The following FANCC variants were observed in gnomAD, a reference collection of about 807,000 sequenced individuals.
The protein encoded by FANCC is Fanconi anemia group C protein.
FANCC carries 55 observed loss-of-function variants against 71.3 expected under a neutral mutation model. The observed-to-expected ratio is 0.77, with a 90% CI of 0.62 to 0.97. The LOEUF (loss-of-function observed/expected upper bound fraction) is 0.97, where lower values mean the gene tolerates loss of function less well. FANCC is among the 50% of genes least tolerant of loss of function. FANCC has a pLI of 0.00. For missense variants in FANCC, 678 were observed against 670.9 expected, an observed-to-expected ratio of 1.01 and a Z score of -0.12; for synonymous variants, 275 against 244.9, an observed-to-expected ratio of 1.12 and a Z score of -1.15.
At chr9:95,276,638 G>A (rs539447635) in intron 1 of FANCC, among the ~76,000 whole-genome samples, 21 of 152,292 alleles carry the variant, frequency 1.4e-4, no homozygotes, top group South Asian at 1.2e-3. Flanking sequence ...TCTCAAGAAC[G>A]ACAACAACAA....
chr9:95,159,312 T>C (rs975575854), intron 6 of FANCC, among the ~76,000 whole-genome samples: 1 of 152,222 alleles, frequency 6.6e-6, no homozygotes, highest in Non-Finnish European at 1.5e-5. Context: ...GAGAGTTTGC[T>C]CAGAATGATG....
At chr9:95,181,024 A>T (rs1826320942) in intron 4 of FANCC, among the ~76,000 whole-genome samples, 1 of 152,072 alleles carries the variant, frequency 6.6e-6, no homozygotes, top group African/African-American at 2.4e-5. Flanking sequence ...TGTCCTGGAA[A>T]AATGAAAATG....
intron 4 of FANCC, among the ~76,000 whole-genome samples, chr9:95,186,035 G>T (rs1460201490): frequency 1.3e-5 from 2 of 152,096 alleles, no homozygotes; most frequent in Admixed American, 6.6e-5. Flanking sequence ...TTTTTTAGGA[G>T]ATGGGCTCTC....
At chr9:95,281,903 C>T (rs903011743) in intron 1 of FANCC, among the ~76,000 whole-genome samples, 1 of 151,108 alleles carries the variant, frequency 6.6e-6, no homozygotes, top group Non-Finnish European at 1.5e-5. Flanking sequence ...AAGCAAAAGC[C>T]TATAATAGAT....
intron 10 of FANCC, among the ~76,000 whole-genome samples, chr9:95,122,584 C>T (rs553185247): frequency 6.6e-6 from 1 of 152,302 alleles, no homozygotes; most frequent in Non-Finnish European, 1.5e-5. Flanking sequence ...TGTGGTCCCA[C>T]GTCCTTAGAT....
chr9:95,130,872 C>G (rs1405877570), intron 8 of FANCC, among the ~76,000 whole-genome samples: 1 of 152,156 alleles, frequency 6.6e-6, no homozygotes, highest in Non-Finnish European at 1.5e-5. Context: ...TTATACAAAA[C>G]CTTCACATCT....
intron 13 of FANCC, chr9:95,107,603 G>A: frequency 2.3e-6 from 1 of 431,586 alleles, no homozygotes; most frequent in South Asian, 2.4e-5. Context: ...AAGGCTCCTT[G>A]AAGACTCGCC....
At chr9:95,308,506 G>T (rs938730986) in intron 1 of FANCC, among the ~76,000 whole-genome samples, 1 of 151,762 alleles carries the variant, frequency 6.6e-6, no homozygotes, top group Admixed American at 6.6e-5. Flanking sequence ...GGCTGGAGTC[G>T]AACTCCTGAC....
intron 2 of FANCC, 69 bp from the exon 3 acceptor site, chr9:95,247,585 T>C (rs560503862): frequency 7.1e-6 from 7 of 983,990 alleles, no homozygotes; most frequent in African/African-American, 6.3e-5. Flanking sequence ...ACTGACATTA[T>C]AGATTGAGGG....
At chr9:95,193,933 A>G (rs1344795139) in intron 4 of FANCC, among the ~76,000 whole-genome samples, 1 of 152,200 alleles carries the variant, frequency 6.6e-6, no homozygotes, top group Non-Finnish European at 1.5e-5. Context: ...CCAGGAGGAC[A>G]GTGTGTTCCA....
rs201707262 is a variant in FANCC at position 95,163,860 on chromosome 9, TAAAC to T, written c.521+7215_521+7218del. Among the ~76,000 whole-genome samples, 538 of 152,152 alleles carry T rather than the reference TAAAC, an allele frequency of 3.5e-3. 4 individuals carry two copies. The highest frequency in any genetic ancestry group is 0.011 in the African/African-American group (475 of 41,536). On this transcript the variant is annotated intron_variant, in intron 6 of 14. Transcript: ENST00000289081. The stretch of plus-strand genomic sequence containing the variant: ...GCGAAACTCCATCTCAAAACAAAAA[TAAAC>T]AAACAAACAAACCCCAAAAAAACCA...
intron 4 of FANCC, among the ~76,000 whole-genome samples, chr9:95,199,067 T>A (rs1827641163): frequency 6.6e-6 from 1 of 152,192 alleles, no homozygotes; most frequent in Non-Finnish European, 1.5e-5. Flanking sequence ...ATATGAATTT[T>A]TTTTGAAAGA....
Position 95,099,944 on chromosome 9 carries a change from CAG to C in FANCC, c.*1761_*1762del, listed in dbSNP as rs1275980264. ...CAACCCTGTACACAGGACCACAGGA[CAG>C]GGTGGAGGACTGTCCCAGGAGTCCC... is the stretch of plus-strand genomic sequence containing the variant. On this transcript the variant is annotated 3_prime_UTR_variant, in exon 15 of 15. Transcript: ENST00000289081. 2 of 232,552 alleles carry C rather than the reference CAG, an allele frequency of 8.6e-6. No homozygotes were observed. The highest frequency in any genetic ancestry group is 4.4e-5 in the African/African-American group (2 of 45,302). The allele number at this position is 232,552 out of a possible 1,614,324, so 14.4% of individuals were successfully genotyped here.
chr9:95,245,162 G>A (rs1471522365), intron 3 of FANCC, among the ~76,000 whole-genome samples: 2 of 152,124 alleles, frequency 1.3e-5, no homozygotes, highest in Non-Finnish European at 2.9e-5. Context: ...CTAACAATGG[G>A]TACTGCTTTC....
At chr9:95,263,482 G>C (rs1237967624) in intron 1 of FANCC, among the ~76,000 whole-genome samples, 2 of 149,488 alleles carry the variant, frequency 1.3e-5, no homozygotes, top group African/African-American at 4.9e-5. Context: ...ATATATATGT[G>C]TGTGTGTGTG....
intron 4 of FANCC, among the ~76,000 whole-genome samples, chr9:95,193,920 G>A (rs1827256913): frequency 6.6e-6 from 1 of 152,114 alleles, no homozygotes; most frequent in South Asian, 2.1e-4. Context: ...TGAGGCCCAG[G>A]AACCAGGAGG....
At chr9:95,174,383 T>A (rs567926771) in intron 4 of FANCC, among the ~76,000 whole-genome samples, 12 of 152,150 alleles carry the variant, frequency 7.9e-5, no homozygotes, top group Non-Finnish European at 1.8e-4. Flanking sequence ...CCTCTTAATA[T>A]TATCACATGG....
chr9:95,139,216 G>C (rs1020051136), intron 7 of FANCC, among the ~76,000 whole-genome samples: 1 of 152,172 alleles, frequency 6.6e-6, no homozygotes, highest in African/African-American at 2.4e-5. Flanking sequence ...CTAATTAACA[G>C]TAAAGGAAGG....
chr9:95,116,128 G>GCAC (rs1290953409), intron 11 of FANCC, among the ~76,000 whole-genome samples: 2 of 152,250 alleles, frequency 1.3e-5, no homozygotes, highest in Non-Finnish European at 2.9e-5. Flanking sequence ...CCATGCCCAT[G>GCAC]CACCACCTCA....
Sources: gnomAD v4.1 joint callset for allele counts (sites outside exome capture counted in the v4.1 genomes callset) on GRCh38, gnomAD v4.1.1 for gene constraint, MANE v1.5 for transcripts, NCBI Gene and HGNC (gene_info 2026-07-23, HGNC 2026-07-21) for gene names.